The following IGSF21 variants were observed in gnomAD, a reference collection of about 807,000 sequenced individuals.
The protein encoded by IGSF21 is immunoglobulin superfamily member 21.
In IGSF21, 28 loss-of-function variants were observed where a neutral mutation model predicts 46.8. The observed-to-expected ratio is 0.60, with a 90% confidence interval of 0.44 to 0.82. The LOEUF is 0.82. Among genes scored for constraint, IGSF21 ranks in the 40% least tolerant of loss-of-function variants. IGSF21 has a pLI of 0.00. For synonymous variants in IGSF21, 284 were observed against 273.6 expected, an observed-to-expected ratio of 1.04 and a Z score of -0.38; for missense variants, 624 against 665.5, an observed-to-expected ratio of 0.94 and a Z score of 0.69.
intron 4 of IGSF21, among the ~76,000 whole-genome samples, chr1:18,351,690 T>C (rs1390362170): frequency 1.3e-5 from 2 of 152,184 alleles, no homozygotes; most frequent in African/African-American, 2.4e-5. Flanking sequence ...GCTGCAAGTA[T>C]GGTACCTGGT....
At chr1:18,195,699 C>T (rs184365284) in intron 1 of IGSF21, among the ~76,000 whole-genome samples, 1 of 152,336 alleles carries the variant, frequency 6.6e-6, no homozygotes, top group East Asian at 1.9e-4. Context: ...CTAACACAGG[C>T]AGCGGCACAC....
intron 1 of IGSF21, among the ~76,000 whole-genome samples, chr1:18,169,989 G>T (rs893868508): frequency 6.6e-6 from 1 of 152,140 alleles, no homozygotes; most frequent in Non-Finnish European, 1.5e-5. Flanking sequence ...ATGGCAGGTG[G>T]CCATGAAGGC....
At chr1:18,143,689 C>A (rs897969770) in intron 1 of IGSF21, among the ~76,000 whole-genome samples, 4 of 152,144 alleles carry the variant, frequency 2.6e-5, no homozygotes, top group Non-Finnish European at 5.9e-5. Flanking sequence ...CTGTGCGACC[C>A]CTGGATTTCG....
intron 1 of IGSF21, among the ~76,000 whole-genome samples, chr1:18,155,522 C>T (rs1369241433): frequency 6.6e-6 from 1 of 152,242 alleles, no homozygotes. Context: ...CAGGCTGGCT[C>T]TCCAGCCCCC....
At chr1:18,305,615 T>G (rs757270703) in intron 3 of IGSF21, among the ~76,000 whole-genome samples, 4 of 150,176 alleles carry the variant, frequency 2.7e-5, no homozygotes, top group African/African-American at 4.9e-5. Context: ...GATGGATGGA[T>G]GGATGGATGA....
chr1:18,197,218 G>A (rs985910377), intron 1 of IGSF21, among the ~76,000 whole-genome samples: 17 of 152,280 alleles, frequency 1.1e-4, no homozygotes, highest in Middle Eastern at 3.4e-3. Flanking sequence ...GGTCATGGGC[G>A]GGCAACCCAG....
At chr1:18,146,765 C>T (rs915989529) in intron 1 of IGSF21, among the ~76,000 whole-genome samples, 1 of 152,164 alleles carries the variant, frequency 6.6e-6, no homozygotes. Context: ...CCACATTTCT[C>T]TCTTCATGAC....
At chr1:18,340,928 T>G (rs2085826569) in intron 4 of IGSF21, among the ~76,000 whole-genome samples, 1 of 151,904 alleles carries the variant, frequency 6.6e-6, no homozygotes, top group South Asian at 2.1e-4. Context: ...TCTTTCTTCT[T>G]TCCTCCTCTT....
intron 1 of IGSF21, among the ~76,000 whole-genome samples, chr1:18,118,681 G>A (rs1368840968): frequency 6.6e-6 from 1 of 152,162 alleles, no homozygotes; most frequent in Non-Finnish European, 1.5e-5. Flanking sequence ...CAGCTTGGAA[G>A]GGAAGAGGCA....
intron 7 of IGSF21, 74 bp downstream of exon 7, chr1:18,376,469 G>A (rs1557668074): frequency 1.9e-6 from 2 of 1,070,262 alleles, no homozygotes; most frequent in Non-Finnish European, 1.5e-6. Context: ...AGCATTCCTG[G>A]CAGTCCTCTC....
rs531383470 is a variant in IGSF21, at chr1:18,377,666, C to T, written c.1333+235C>T. ...AGCCAGCTGAGATTTCCAGGGCCAA[C>T]TCTGCCCCATCTCACCATCCATGGC... On this transcript the variant is annotated intron_variant, in intron 9 of 9. Coordinates refer to ENST00000251296, the MANE Select transcript of IGSF21 (RefSeq NM_032880.5). Among the ~76,000 whole-genome samples the T allele has an allele frequency of 3.9e-4, 60 of 152,332 alleles. 1 individual carries two copies. Among genetic ancestry groups the T allele is most frequent in the African/African-American group, 1.4e-3 (58 of 41,580 alleles).
chr1:18,155,394 T>C (rs1174974054), intron 1 of IGSF21, among the ~76,000 whole-genome samples: 2 of 152,196 alleles, frequency 1.3e-5, no homozygotes, highest in Non-Finnish European at 2.9e-5. Context: ...GGGATAAGGA[T>C]ACCTACTTTG....
intron 3 of IGSF21, among the ~76,000 whole-genome samples, chr1:18,310,155 G>C (rs1411080326): frequency 1.3e-5 from 2 of 152,196 alleles, no homozygotes; most frequent in Non-Finnish European, 2.9e-5. Flanking sequence ...GGCCTTCCAG[G>C]CTCTCTACTG....
At chr1:18,132,251 A>T (rs2086328450) in intron 1 of IGSF21, among the ~76,000 whole-genome samples, 1 of 152,126 alleles carries the variant, frequency 6.6e-6, no homozygotes, top group African/African-American at 2.4e-5. Context: ...ATGACCTATG[A>T]CCTATGACAA....
chr1:18,140,813 G>T (rs1027206509), intron 1 of IGSF21, among the ~76,000 whole-genome samples: 2 of 152,142 alleles, frequency 1.3e-5, no homozygotes, highest in Non-Finnish European at 2.9e-5. Flanking sequence ...TTACACCCAG[G>T]ATTACCATCC....
At chr1:18,140,004 T>G (rs2086401048) in intron 1 of IGSF21, among the ~76,000 whole-genome samples, 1 of 152,138 alleles carries the variant, frequency 6.6e-6, no homozygotes, top group African/African-American at 2.4e-5. Flanking sequence ...TGAAGTGCAG[T>G]GGTGCGATCA....
chr1:18,229,440 G>C (rs1380928112), intron 2 of IGSF21, among the ~76,000 whole-genome samples: 4 of 152,234 alleles, frequency 2.6e-5, no homozygotes, highest in African/African-American at 9.6e-5. Flanking sequence ...GAACCAGCCT[G>C]TCTTGGCTGC....
chr1:18,184,275 C>G (rs2086883048), intron 1 of IGSF21, among the ~76,000 whole-genome samples: 1 of 152,140 alleles, frequency 6.6e-6, no homozygotes, highest in Admixed American at 6.5e-5. Context: ...CCAATTTCCT[C>G]TTTGTTATCC....
chr1:18,198,974 G>C (rs1441260062), intron 1 of IGSF21, among the ~76,000 whole-genome samples: 5 of 151,962 alleles, frequency 3.3e-5, no homozygotes, highest in Non-Finnish European at 7.4e-5. Flanking sequence ...GCCAGATGAG[G>C]GTGGCCCCCT....
Sources: gnomAD v4.1 joint callset for allele counts (sites outside exome capture counted in the v4.1 genomes callset) on GRCh38, gnomAD v4.1.1 for gene constraint, MANE v1.5 for transcripts, NCBI Gene and HGNC (gene_info 2026-07-23, HGNC 2026-07-21) for gene names.